CYRIB: variants seen among roughly 807,000 people sequenced by gnomAD.
CYRIB encodes CYFIP-related Rac1 interactor B.
A neutral mutation model predicts 44.2 loss-of-function variants in CYRIB; 8 were observed. The ratio of observed to expected loss-of-function variants is 0.18; its 90% confidence interval spans 0.11 to 0.33. The LOEUF is 0.33. CYRIB is among the 10% of genes least tolerant of loss of function. The pLI is 1.00. For synonymous variants in CYRIB, 131 were observed against 127.2 expected (o/e 1.03, Z -0.20); for missense variants, 185 against 382.8 (o/e 0.48, Z 4.31).
exon 8 of CYRIB, chr8:129,852,266 T>C (rs1381094732): frequency 6.4e-7 from 1 of 1,566,330 alleles, no homozygotes; most frequent in Non-Finnish European, 8.7e-7. Context: ...TTTACTTCAT[T>C]TTCTCCTTCT....
At chr8:129,980,222 C>T (rs1233505750) in intron 1 of CYRIB, among the ~76,000 whole-genome samples, 2 of 91,500 alleles carry the variant, frequency 2.2e-5, no homozygotes, top group Admixed American at 1.2e-4. Flanking sequence ...AGCAAGACTC[C>T]ATCTCAAAAA....
chr8:129,898,579 A>C (rs1490375343), intron 2 of CYRIB, among the ~76,000 whole-genome samples: 1 of 152,244 alleles, frequency 6.6e-6, no homozygotes, highest in African/African-American at 2.4e-5. Flanking sequence ...GTGAAATTAC[A>C]AAAGGCACAA....
chr8:129,925,196 T>C (rs752272001), intron 1 of CYRIB, among the ~76,000 whole-genome samples: 1 of 151,720 alleles, frequency 6.6e-6, no homozygotes, highest in Non-Finnish European at 1.5e-5. Flanking sequence ...TCAGGAGTTC[T>C]AGACCAGCCT....
intron 1 of CYRIB, among the ~76,000 whole-genome samples, chr8:130,009,077 A>G (rs1592435377): frequency 6.6e-6 from 1 of 152,348 alleles, no homozygotes; most frequent in Non-Finnish European, 1.5e-5. Flanking sequence ...GAAAACAGAC[A>G]CTGAGATGCC....
chr8:129,991,159 A>C (rs925344235), intron 1 of CYRIB, among the ~76,000 whole-genome samples: 1 of 149,734 alleles, frequency 6.7e-6, no homozygotes, highest in Non-Finnish European at 1.5e-5. Flanking sequence ...AAAAAAAGGT[A>C]CAACAGGCGA....
intron 2 of CYRIB, chr8:129,902,923 A>C (rs1217624651): frequency 6.6e-6 from 1 of 152,508 alleles, no homozygotes; most frequent in African/African-American, 2.4e-5. Flanking sequence ...AATTCTTAAG[A>C]TTATGTGTAA....
At chr8:129,871,244 T>C in intron 4 of CYRIB, 131 bp downstream of exon 6, 1 of 1,069,200 alleles carries the variant, frequency 9.4e-7, no homozygotes, top group Non-Finnish European at 1.3e-6. Context: ...TCTGAAACAA[T>C]GCCAAGTGAG....
intron 5 of CYRIB, among the ~76,000 whole-genome samples, chr8:129,857,842 T>C (rs917779098): frequency 6.6e-6 from 1 of 152,232 alleles, no homozygotes; most frequent in Non-Finnish European, 1.5e-5. Context: ...AATATTATTA[T>C]AGTCTGTTAA....
At chr8:129,987,556 C>CTTTTTTTTTTCTTT (rs2096500906) in intron 1 of CYRIB, among the ~76,000 whole-genome samples, 1 of 140,808 alleles carries the variant, frequency 7.1e-6, no homozygotes, top group Admixed American at 7.2e-5. Flanking sequence ...TTTTTCTTGT[C>CTTTTTTTTTTCTTT]TTTTTTTTTT....
chr8:129,875,483 T>G (rs2058796135), intron 3 of CYRIB, among the ~76,000 whole-genome samples: 1 of 152,182 alleles, frequency 6.6e-6, no homozygotes, highest in South Asian at 2.1e-4. Context: ...AGTGCTGGAA[T>G]TACAGCCATG....
At chr8:129,977,088 C>T (rs2095966021) in intron 1 of CYRIB, among the ~76,000 whole-genome samples, 1 of 152,152 alleles carries the variant, frequency 6.6e-6, no homozygotes, top group South Asian at 2.1e-4. Context: ...GTGATCCACC[C>T]ACCTCGGCCT....
intron 4 of CYRIB, among the ~76,000 whole-genome samples, chr8:129,862,604 G>A (rs544316537): frequency 1.3e-5 from 2 of 152,178 alleles, no homozygotes; most frequent in East Asian, 3.9e-4. Flanking sequence ...CCAAGTAGCT[G>A]GGACTACAGG....
chr8:129,976,320 T>C (rs965038224), intron 1 of CYRIB, among the ~76,000 whole-genome samples: 1 of 152,216 alleles, frequency 6.6e-6, no homozygotes, highest in Non-Finnish European at 1.5e-5. Flanking sequence ...CAGTGGCTTA[T>C]AGCAAATATG....
rs538818440 is a variant in CYRIB, at chr8:129,883,701, C to T, written c.-10-4230G>A. On this transcript the variant is annotated intron_variant, in intron 2 of 11. Coordinates refer to ENST00000519824, the Ensembl canonical transcript of CYRIB. ...GGTTAATCATCAGCTTAGGTGGGAC[C>T]AGACTGCCTGGGTCTGAAACCCAGC... 3.3e-5 allele frequency among the ~76,000 whole-genome samples: 5 copies of T among 152,266 alleles called. No homozygotes were observed. The South Asian group carries it at 1.0e-3, about 32-fold the overall frequency.
At chr8:130,008,803 G>A (rs981302003) in intron 1 of CYRIB, among the ~76,000 whole-genome samples, 2 of 152,236 alleles carry the variant, frequency 1.3e-5, no homozygotes, top group African/African-American at 4.8e-5. Context: ...CACAAAACCA[G>A]AGTTCAGGGG....
At chr8:129,938,889 C>T (rs889234654) in intron 1 of CYRIB, among the ~76,000 whole-genome samples, 2 of 152,114 alleles carry the variant, frequency 1.3e-5, no homozygotes, top group Admixed American at 6.5e-5. Context: ...ACAGCAATTG[C>T]CACTTCCACT....
At chr8:129,873,513 C>A (rs1056090068) in intron 3 of CYRIB, among the ~76,000 whole-genome samples, 2 of 152,004 alleles carry the variant, frequency 1.3e-5, no homozygotes, top group African/African-American at 4.8e-5. Flanking sequence ...ATGCAAAAAA[C>A]GACAGTCTTA....
chr8:129,875,818 A>C (rs1476041082), intron 3 of CYRIB, among the ~76,000 whole-genome samples: 2 of 152,166 alleles, frequency 1.3e-5, no homozygotes, highest in African/African-American at 4.8e-5. Flanking sequence ...ACCATCAGAA[A>C]GTCTTCCATG....
intron 1 of CYRIB, among the ~76,000 whole-genome samples, chr8:129,986,506 C>A (rs2096460066): frequency 6.6e-6 from 1 of 152,172 alleles, no homozygotes; most frequent in Admixed American, 6.5e-5. Context: ...GCTCTGCCCT[C>A]GTGAATGGAT....
Sources: allele counts gnomAD v4.1 joint callset (sites outside exome capture counted in the v4.1 genomes callset), GRCh38; gene constraint gnomAD v4.1.1; transcripts MANE v1.5; gene names NCBI Gene and HGNC (gene_info 2026-07-23, HGNC 2026-07-21).